The following EGF variants were observed in gnomAD, a reference collection of about 807,000 sequenced individuals.
EGF encodes the protein pro-epidermal growth factor.
EGF carries 95 observed loss-of-function variants against 143.8 expected under a neutral mutation model. The ratio of observed to expected loss-of-function variants is 0.66; its 90% CI spans 0.56 to 0.78. The LOEUF is 0.78. Ranked by LOEUF, EGF falls within the 30% of genes least tolerant of loss-of-function variation. The pLI is 0.00. For missense variants in EGF, 1,320 were observed against 1,470.9 expected (o/e 0.90, Z 1.68); for synonymous variants, 510 against 510.5 (o/e 1.00, Z 0.01).
Position 109,996,278 on chromosome 4 carries a change from C to T in EGF, c.3005+1398C>T, listed in dbSNP as rs532910891. ...TAAATGATTGATGAACTCTTTAACA[C>T]ACTGCTTTTCTTTCTGTCATTAAAT... On this transcript the variant is annotated intron_variant, in intron 20 of 23. Coordinates refer to ENST00000265171, the MANE Select transcript of EGF (RefSeq NM_001963.6). Among the ~76,000 whole-genome samples, 20 of 152,254 alleles carry T rather than the reference C, an allele frequency of 1.3e-4. No homozygotes were observed. In the East Asian group the frequency reaches 1.4e-3, roughly 10 times the overall value.
intron 1 of EGF, among the ~76,000 whole-genome samples, chr4:109,927,741 A>T (rs1342389652): frequency 1.3e-5 from 2 of 150,450 alleles, no homozygotes; most frequent in East Asian, 3.9e-4. Flanking sequence ...AAAAAAAAAA[A>T]GACATGTCCA....
chr4:109,932,629 G>A lies in EGF; in HGVS notation c.128-8317G>A, dbSNP rs202067632. Among the ~76,000 whole-genome samples the A allele has an allele frequency of 9.2e-5, 14 of 151,762 alleles. No homozygotes were observed. The East Asian group carries it at 2.5e-3, about 27-fold the overall frequency. Reference sequence around the variant, plus strand: ...TCCTGACCTCATGATCCGCCTGCCTGCCTCGGCCTCCCAAAGTGCTGGGAT... The same window carrying A: ...TCCTGACCTCATGATCCGCCTGCCTACCTCGGCCTCCCAAAGTGCTGGGAT... On this transcript the variant is annotated intron_variant, in intron 1 of 23. Transcript: ENST00000265171.
At chr4:109,976,366 C>T in intron 13 of EGF, 131 bp downstream of exon 13, 1 of 828,844 alleles carries the variant, frequency 1.2e-6, no homozygotes, top group South Asian at 1.5e-5. Flanking sequence ...CAGACTTCTC[C>T]AGGGAATCAT....
chr4:109,917,264 G>A (rs1046581722), intron 1 of EGF, among the ~76,000 whole-genome samples: 2 of 152,132 alleles, frequency 1.3e-5, no homozygotes, highest in African/African-American at 2.4e-5. Context: ...TTTACATTTT[G>A]GGGCTAATTT....
At chr4:110,002,251 G>T (rs1383191363) in intron 21 of EGF, among the ~76,000 whole-genome samples, 2 of 152,114 alleles carry the variant, frequency 1.3e-5, no homozygotes, top group African/African-American at 4.8e-5. Flanking sequence ...CCAGCATTTT[G>T]GGAGGCCAAG....
At chr4:109,984,517 T>C (rs1227483065) in intron 16 of EGF, among the ~76,000 whole-genome samples, 2 of 152,108 alleles carry the variant, frequency 1.3e-5, no homozygotes, top group African/African-American at 4.8e-5. Flanking sequence ...CCCAAGTATA[T>C]CAAAATCTGC....
At chr4:109,959,221 G>C in intron 5 of EGF, 91 bp from the exon 6 acceptor site, 1 of 1,583,728 alleles carries the variant, frequency 6.3e-7, no homozygotes. Flanking sequence ...ACGTTGTAGG[G>C]AGGTAAGACC....
intron 16 of EGF, among the ~76,000 whole-genome samples, chr4:109,986,014 C>A (rs1750062041): frequency 3.9e-5 from 6 of 152,174 alleles, no homozygotes; most frequent in Admixed American, 3.9e-4. Flanking sequence ...TTTAAGGTCA[C>A]TTTTTATTCT....
chr4:109,933,252 A>G (rs552582911), intron 1 of EGF, among the ~76,000 whole-genome samples: 1 of 152,242 alleles, frequency 6.6e-6, no homozygotes, highest in Non-Finnish European at 1.5e-5. Context: ...TGATTCTACA[A>G]CTGCAGTGGA....
At chr4:109,980,735 A>G (rs553668761) in intron 14 of EGF, 91 bp from the exon 15 acceptor site, 11 of 1,441,010 alleles carry the variant, frequency 7.6e-6, no homozygotes, top group Middle Eastern at 1.8e-4. Context: ...CCTAAAAGCT[A>G]TAGCTCCCTA....
intron 11 of EGF, 50 bp downstream of exon 11, chr4:109,969,169 T>C (rs1747163142): frequency 2.5e-6 from 4 of 1,604,456 alleles, no homozygotes; most frequent in African/African-American, 2.7e-5. Flanking sequence ...AGTGATGGGA[T>C]AGGTAATACT....
At chr4:109,983,179 A>G (rs1296176700) in intron 15 of EGF, among the ~76,000 whole-genome samples, 4 of 152,162 alleles carry the variant, frequency 2.6e-5, no homozygotes, top group African/African-American at 4.8e-5. Flanking sequence ...AAAGAGTCCT[A>G]TCTTTCTTCC....
At chr4:109,940,881 A>T in intron 1 of EGF, 65 bp from the exon 2 acceptor site, 2 of 1,461,294 alleles carry the variant, frequency 1.4e-6, no homozygotes, top group South Asian at 1.1e-5. Flanking sequence ...GTCATTGGGA[A>T]GTATTTTGTT....
At chr4:109,933,529 C>G (rs1210137584) in intron 1 of EGF, among the ~76,000 whole-genome samples, 1 of 151,636 alleles carries the variant, frequency 6.6e-6, no homozygotes, top group Admixed American at 6.6e-5. Context: ...CCCATCAACT[C>G]GTCGTTTACA....
intron 21 of EGF, among the ~76,000 whole-genome samples, chr4:110,003,056 G>A (rs56725761): frequency 0.16 from 24,113 of 152,044 alleles, 3,402 homozygotes; most frequent in African/African-American, 0.38. Flanking sequence ...TCTTTATCCA[G>A]TCTGTCATTG....
Position 109,964,712 on chromosome 4 carries a change from T to C in EGF, c.1575+175T>C, listed in dbSNP as rs2190907. On this transcript the variant is annotated intron_variant, in intron 10 of 23. Transcript: ENST00000265171. ...ACACTTGAGAAATTTTAAGGACTTT[T>C]TTGCCATCATAATGCTACCCTAGTC... Among the ~76,000 whole-genome samples the C allele has an allele frequency of 0.55, 83,044 of 152,046 alleles. 25,478 individuals carry two copies. The highest frequency in any genetic ancestry group is 0.83 in the African/African-American group (34,416 of 41,516).
At chr4:109,990,075 A>G (rs1750716657) in intron 18 of EGF, among the ~76,000 whole-genome samples, 1 of 152,186 alleles carries the variant, frequency 6.6e-6, no homozygotes. Flanking sequence ...TTGCTTTGGA[A>G]AAGCTCTCTC....
intron 1 of EGF, among the ~76,000 whole-genome samples, chr4:109,924,553 C>T (rs1738322873): frequency 6.8e-6 from 1 of 146,604 alleles, no homozygotes; most frequent in Non-Finnish European, 1.5e-5. Flanking sequence ...ACAGGGATTC[C>T]TGACAGGGCA....
chr4:109,913,327 A>T lies in EGF; in HGVS notation c.-9A>T, dbSNP rs768068195. ...TGTTTTCTTTTGAAAGTTCAAACTC[A>T]TCAAGATTATGCTGCTCACTCTTAT... On this transcript the variant is annotated 5_prime_UTR_variant, in exon 1 of 24. Coordinates refer to ENST00000265171, the MANE Select transcript of EGF (RefSeq NM_001963.6). 1.2e-6 allele frequency: 2 copies of T among 1,613,650 alleles called. No individual in the cohort carries two copies. The highest frequency in any genetic ancestry group is 1.7e-5 in the Admixed American group (1 of 59,976).
Sources: gnomAD v4.1 joint callset for allele counts (sites outside exome capture counted in the v4.1 genomes callset) on GRCh38, gnomAD v4.1.1 for gene constraint, MANE v1.5 for transcripts, NCBI Gene and HGNC (gene_info 2026-07-23, HGNC 2026-07-21) for gene names.